PARD3: variants seen among roughly 807,000 people sequenced by gnomAD.
PARD3 encodes partitioning defective 3 homolog.
PARD3 carries 75 observed loss-of-function variants against 155.4 expected under a neutral mutation model. That is an observed-to-expected ratio of 0.48 (90% confidence interval 0.40 to 0.58). The LOEUF (loss-of-function observed/expected upper bound fraction) is 0.58. Ranked by LOEUF, PARD3 falls within the 20% of genes least tolerant of loss-of-function variation. The pLI is 0.00. For synonymous variants in PARD3, 576 were observed against 610.5 expected (o/e 0.94, Z 0.83); for missense variants, 1,642 against 1,721.7 (o/e 0.95, Z 0.82).
At chr10:34,175,185 T>C (rs992238394) in intron 22 of PARD3, among the ~76,000 whole-genome samples, 1 of 152,244 alleles carries the variant, frequency 6.6e-6, no homozygotes, top group Non-Finnish European at 1.5e-5. Context: ...TTTGCCTTTA[T>C]ATACACAAAA....
Position 34,680,900 on chromosome 10 carries a change from G to A in PARD3, c.222+15418C>T, listed in dbSNP as rs185947370. On this transcript the variant is annotated intron_variant, in intron 2 of 24. Transcript: ENST00000374788. Reference sequence around the variant, plus strand: ...CCTAATGCTAGATCACGAGTTAGTGGGTGCAGCACACCAGCATGGCACATG... The same window carrying A: ...CCTAATGCTAGATCACGAGTTAGTGAGTGCAGCACACCAGCATGGCACATG... Among the ~76,000 whole-genome samples, 352 of 151,058 alleles carry A rather than the reference G, an allele frequency of 2.3e-3. 3 individuals carry two copies. Among genetic ancestry groups the A allele is most frequent in the Middle Eastern group, 0.01 (3 of 288 alleles).
chr10:34,605,592 C>CTA (rs1168661937), intron 2 of PARD3, among the ~76,000 whole-genome samples: 330 of 26,242 alleles, frequency 0.013, 47 homozygotes, highest in Non-Finnish European at 0.014. Context: ...TATATATCTC[C>CTA]TATATATATA....
At position 34,111,281 on chromosome 10, in the gene PARD3, C is replaced by T; in HGVS notation, c.3950G>A (p.Ser1317Asn). The change falls in exon 25 of 25, where the codon AGT becomes AAT. Residue 1317 changes from serine to asparagine, a missense_variant. Transcript: ENST00000374788. ...YDSYKKVQDPSYAPPKGPFRQ... is the reference protein window; with the variant it reads ...YDSYKKVQDPNYAPPKGPFRQ... ...GAAGGGCCCCTTGGGAGGGGCGTAA[C>T]TGGGGTCCTGGACTTTCTTATACGA... 6.2e-7 allele frequency: 1 copy of T among 1,613,950 alleles called. No individual in the cohort carries two copies. Among genetic ancestry groups the T allele is most frequent in the Non-Finnish European group, 8.5e-7 (1 of 1,179,854 alleles).
At chr10:34,441,694 T>C (rs571003965) in intron 5 of PARD3, among the ~76,000 whole-genome samples, 2 of 152,324 alleles carry the variant, frequency 1.3e-5, no homozygotes, top group South Asian at 4.1e-4. Flanking sequence ...CTGTGGTTTC[T>C]AGTCCAGAAT....
chr10:34,744,616 A>G (rs1397410476), intron 1 of PARD3, among the ~76,000 whole-genome samples: 1 of 152,254 alleles, frequency 6.6e-6, no homozygotes, highest in Admixed American at 6.5e-5. Flanking sequence ...ATTTTTAATG[A>G]CAAACTACAA....
In PARD3 at chr10:34,437,403, T is replaced by C. The variant is rs747529908; in HGVS notation, c.714+12914A>G. Among the ~76,000 whole-genome samples the C allele has an allele frequency of 4.7e-4, 71 of 152,276 alleles. 1 individual carries two copies. The highest frequency in any genetic ancestry group is 2.3e-3 in the South Asian group (11 of 4,824). Reference sequence around the variant, plus strand: ...ATATCAAATGTCAATTTCTACCAAATATCCATGTACAAAAAAAGCTTTACT... The same window carrying C: ...ATATCAAATGTCAATTTCTACCAAACATCCATGTACAAAAAAAGCTTTACT... On this transcript the variant is annotated intron_variant, in intron 5 of 24. Transcript: ENST00000374788.
chr10:34,190,652 C>T (rs1433338078), intron 22 of PARD3, among the ~76,000 whole-genome samples: 1 of 152,098 alleles, frequency 6.6e-6, no homozygotes, highest in Admixed American at 6.5e-5. Flanking sequence ...CTTGGGAGCC[C>T]ATGGCCTAAA....
intron 2 of PARD3, among the ~76,000 whole-genome samples, chr10:34,537,023 C>T (rs1301867820): frequency 6.6e-6 from 1 of 152,132 alleles, no homozygotes; most frequent in Admixed American, 6.5e-5. Flanking sequence ...TCTGTTAAGA[C>T]ACAAGGTCTT....
At chr10:34,792,041 G>A (rs947371908) in intron 1 of PARD3, among the ~76,000 whole-genome samples, 7 of 152,086 alleles carry the variant, frequency 4.6e-5, no homozygotes, top group East Asian at 1.9e-4. Context: ...GATGCATCAC[G>A]TGCTCGCCTC....
At chr10:34,456,792 T>C (rs1450858802) in intron 4 of PARD3, among the ~76,000 whole-genome samples, 1 of 152,218 alleles carries the variant, frequency 6.6e-6, no homozygotes, top group Admixed American at 6.5e-5. Flanking sequence ...TTAAAACTCA[T>C]TCTGACCTGA....
In PARD3 at chr10:34,164,143, T is replaced by C. The variant is rs371392921; in HGVS notation, c.3420-32560A>G. On this transcript the variant is annotated intron_variant, in intron 22 of 24. Transcript: ENST00000374788. Reference sequence around the variant, plus strand: ...GAAAAATAAACAGCTACTATGGGAATTCAAAACAAAGAGCCACCAACTAAG... The same window carrying C: ...GAAAAATAAACAGCTACTATGGGAACTCAAAACAAAGAGCCACCAACTAAG... Among the ~76,000 whole-genome samples, 135 of 152,248 alleles carry C rather than the reference T, an allele frequency of 8.9e-4. 1 individual carries two copies. Among genetic ancestry groups the C allele is most frequent in the African/African-American group, 2.7e-3 (113 of 41,560 alleles).
intron 22 of PARD3, among the ~76,000 whole-genome samples, chr10:34,252,051 C>T (rs1211507575): frequency 6.6e-6 from 1 of 152,146 alleles, no homozygotes; most frequent in Admixed American, 6.5e-5. Context: ...TGCATTTATG[C>T]CGCATCATAA....
chr10:34,751,387 C>T (rs903794320), intron 1 of PARD3, among the ~76,000 whole-genome samples: 2 of 152,192 alleles, frequency 1.3e-5, no homozygotes, highest in Non-Finnish European at 2.9e-5. Flanking sequence ...GCCATGCTGA[C>T]TTCTGATTAA....
intron 2 of PARD3, among the ~76,000 whole-genome samples, chr10:34,570,314 G>A (rs1181034448): frequency 6.6e-6 from 1 of 152,160 alleles, no homozygotes; most frequent in Non-Finnish European, 1.5e-5. Context: ...TGTATAGACT[G>A]TTTTTGTTTC....
At chr10:34,123,711 C>T (rs1416618713) in intron 23 of PARD3, among the ~76,000 whole-genome samples, 1 of 152,072 alleles carries the variant, frequency 6.6e-6, no homozygotes, top group African/African-American at 2.4e-5. Context: ...CTGGAGATTA[C>T]ATGCTTGTAA....
At chr10:34,570,629 A>G (rs2086313098) in intron 2 of PARD3, among the ~76,000 whole-genome samples, 1 of 152,174 alleles carries the variant, frequency 6.6e-6, no homozygotes, top group South Asian at 2.1e-4. Flanking sequence ...ATCACGGAGA[A>G]CTCCAGAGAG....
At chr10:34,524,419 C>G (rs2082343752) in intron 2 of PARD3, among the ~76,000 whole-genome samples, 1 of 152,184 alleles carries the variant, frequency 6.6e-6, no homozygotes, top group African/African-American at 2.4e-5. Context: ...CTCCCTAGCC[C>G]TGATGCTTAC....
In PARD3 at chr10:34,696,382, T is replaced by C. The variant is rs375772195; in HGVS notation, c.158A>G (p.His53Arg). The change falls in exon 2 of 25, where the codon CAT becomes CGT. Residue 53 changes from histidine (H) to arginine (R), a missense_variant. Physicochemically the swap from His to Arg is conservative, Grantham distance 29 (BLOSUM62 0). Transcript: ENST00000374788. ...AAGGTCTAGTATTCCTCCATCTCCA[T>C]GTTCCAAGCGATGCACCTGTATCCA... ...NYWIQVHRLE[H>R]GDGGILDLDD... 1 of 1,612,460 alleles carries C rather than the reference T, an allele frequency of 6.2e-7. No individual in the cohort carries two copies. The highest frequency in any genetic ancestry group is 8.5e-7 in the Non-Finnish European group (1 of 1,178,646).
rs35205452 is a variant in PARD3, at chr10:34,715,076, CTT to C, written c.121-18659_121-18658del. Among the ~76,000 whole-genome samples the C allele has an allele frequency of 5.3e-3, 721 of 136,650 alleles. 3 individuals carry two copies. The highest frequency in any genetic ancestry group is 0.014 in the African/African-American group (513 of 36,804). The allele number at this position is 136,650 out of a possible 152,430, so 89.6% of individuals were successfully genotyped here. A position where few individuals can be genotyped will look rare whatever the true frequency, so the allele number is the denominator to read the frequency against. ...CGTAAGCCACCACACCTAGCCTAACCTTTTTTTTTTTTTTTTTAAGAGACAAG... is the reference window on the plus strand; with the variant it reads ...CGTAAGCCACCACACCTAGCCTAACCTTTTTTTTTTTTTTTAAGAGACAAG... On this transcript the variant is annotated intron_variant, in intron 1 of 24. Transcript: ENST00000374788.
Sources: allele counts gnomAD v4.1 joint callset (sites outside exome capture counted in the v4.1 genomes callset), GRCh38; gene constraint gnomAD v4.1.1; transcripts MANE v1.5; gene names NCBI Gene and HGNC (gene_info 2026-07-23, HGNC 2026-07-21).